CDT1: variants seen among roughly 807,000 people sequenced by gnomAD.
CDT1 encodes the protein chromatin licensing and DNA replication factor 1.
CDT1 carries 66 observed loss-of-function variants against 49.3 expected under a neutral mutation model. The ratio of observed to expected loss-of-function variants is 1.34; its 90% CI spans 1.10 to 1.64. CDT1 has a LOEUF of 1.64. CDT1 is among the 40% of genes most tolerant of loss of function. The probability of loss-of-function intolerance (pLI) is 0.00; values close to 1 mark genes in which losing one functional copy is unlikely to be tolerated. For synonymous variants in CDT1, 424 were observed against 347.4 expected, an observed-to-expected ratio of 1.22 and a Z score of -2.45; for missense variants, 958 against 807.7, an observed-to-expected ratio of 1.19 and a Z score of -2.26.
At position 88,808,141 on chromosome 16, in the gene CDT1, C is replaced by G; in HGVS notation, c.1504C>G (p.Leu502Val). The change falls in exon 10 of 10, where the codon CTC (leucine) becomes GTC (valine). Residue 502 changes from leucine to valine, a missense_variant. Physicochemically the swap from Leu to Val is conservative, Grantham distance 32. Transcript: ENST00000301019. ...PGEMEKHLLL[L>V]SELLPDWLSL... Reference sequence around the variant, plus strand: ...GGAAATGGAGAAGCACCTGCTGCTCCTCTCCGAGCTGCTGCCGGACTGGCT... The same window carrying G: ...GGAAATGGAGAAGCACCTGCTGCTCGTCTCCGAGCTGCTGCCGGACTGGCT... 6.2e-7 allele frequency: 1 copy of G among 1,612,768 alleles called. No individual in the cohort carries two copies. The highest frequency in any genetic ancestry group is 8.5e-7 in the Non-Finnish European group (1 of 1,179,946).
intron 6 of CDT1, 93 bp from the exon 7 acceptor site, chr16:88,806,393 G>GC: frequency 6.9e-7 from 1 of 1,449,140 alleles, no homozygotes; most frequent in Non-Finnish European, 9.4e-7. Flanking sequence ...GCCCGAGGCG[G>GC]CCCGGCTGGG....
At chr16:88,807,508 C>T (rs377536198) in intron 9 of CDT1, 26 bp downstream of exon 9, 91 of 1,603,728 alleles carry the variant, frequency 5.7e-5, no homozygotes, top group Admixed American at 3.0e-4. Flanking sequence ...GGTGAAGGGG[C>T]GTGCAGGGTG....
rs537106948 is a variant in CDT1, at chr16:88,808,734, C to T, written c.*456C>T. 71 of 185,118 alleles carry T rather than the reference C, an allele frequency of 3.8e-4. No individual in the cohort carries two copies. Among genetic ancestry groups the T allele is most frequent in the Non-Finnish European group, 5.5e-4 (48 of 87,124 alleles). 11.5% of individuals were successfully genotyped at this position (185,118 alleles called of 1,614,324 possible). On this transcript the variant is annotated 3_prime_UTR_variant, in exon 10 of 10. Coordinates refer to ENST00000301019, the MANE Select transcript of CDT1 (RefSeq NM_030928.4). ...AGACTGGGGTGGGTGTGGTGGCTCA[C>T]GCCTGTAACCCCAGCACTTTGGGAG...
At chr16:88,804,198 G>A in intron 1 of CDT1, 139 bp downstream of exon 1, 1 of 710,772 alleles carries the variant, frequency 1.4e-6, no homozygotes, top group Non-Finnish European at 2.1e-6. Context: ...GGAACTCTGG[G>A]ACAGGCCGGG....
At chr16:88,804,480 G>A (rs1908768178) in intron 1 of CDT1, 65 bp from the exon 2 acceptor site, 2 of 1,577,980 alleles carry the variant, frequency 1.3e-6, no homozygotes, top group East Asian at 4.5e-5. Context: ...ATCCTTCGGG[G>A]TCCTCTGCAG....
In CDT1 at chr16:88,807,538, C is replaced by G. The variant is rs1169416888; in HGVS notation, c.1477+56C>G. On this transcript the variant is annotated intron_variant, in intron 9 of 9. Coordinates refer to ENST00000301019, the MANE Select transcript of CDT1 (RefSeq NM_030928.4). ...AGGGTGGAATTGCCTGGTGCTGCAGCTGCCTCCCCAGCTTTCTGAGCAGAG... is the reference window on the plus strand; with the variant it reads ...AGGGTGGAATTGCCTGGTGCTGCAGGTGCCTCCCCAGCTTTCTGAGCAGAG... 2.0e-6 allele frequency: 3 copies of G among 1,508,172 alleles called. No individual in the cohort carries two copies. In the African/African-American group the frequency reaches 4.1e-5, roughly 21 times the overall value. 93.4% of individuals were successfully genotyped at this position (1,508,172 alleles called of 1,614,324 possible).
At chr16:88,806,396 C>T (rs1299219002) in intron 6 of CDT1, 90 bp from the exon 7 acceptor site, 9 of 1,472,954 alleles carry the variant, frequency 6.1e-6, no homozygotes, top group Admixed American at 3.8e-5. Context: ...CGAGGCGGCC[C>T]GGCTGGGACG....
chr16:88,805,892 C>T (rs747010698), intron 5 of CDT1, 23 bp downstream of exon 5: 22 of 1,611,392 alleles, frequency 1.4e-5, no homozygotes, highest in African/African-American at 4.0e-5. Context: ...TGCGGGACCT[C>T]GGTTTCCCCA....
Position 88,804,148 on chromosome 16 carries a change from G to A in CDT1, c.228+89G>A, listed in dbSNP as rs1043041379. On this transcript the variant is annotated intron_variant, in intron 1 of 9. Coordinates refer to ENST00000301019, the MANE Select transcript of CDT1 (RefSeq NM_030928.4). Reference sequence around the variant, plus strand: ...AGGGCTCGGGGAAACTGAGGCGGAGGGACGGGGGCGGGGAAACAGGCGGGG... The same window carrying A: ...AGGGCTCGGGGAAACTGAGGCGGAGAGACGGGGGCGGGGAAACAGGCGGGG... 1.7e-5 allele frequency: 15 copies of A among 864,586 alleles called. No individual in the cohort carries two copies. In the African/African-American group the frequency reaches 2.7e-4, roughly 16 times the overall value. 53.6% of individuals were successfully genotyped at this position (864,586 alleles called of 1,614,324 possible). A position where few individuals can be genotyped will look rare whatever the true frequency, so the allele number is the denominator to read the frequency against.
Position 88,808,700 on chromosome 16 carries a change from C to T in CDT1, c.*422C>T, listed in dbSNP as rs753754884. ...TCCCACAGCAAAGGGTGACTTTTGT[C>T]ATTAAGAAAGACTGGGGTGGGTGTG... On this transcript the variant is annotated 3_prime_UTR_variant, in exon 10 of 10. Transcript: ENST00000301019. The T allele has an allele frequency of 2.9e-5, 6 of 209,878 alleles. No individual in the cohort carries two copies. Among genetic ancestry groups the T allele is most frequent in the Non-Finnish European group, 4.9e-5 (5 of 102,632 alleles). The allele number at this position is 209,878 out of a possible 1,614,324, so 13.0% of individuals were successfully genotyped here.
chr16:88,806,584 G>GCCGGCCGCGCTGCC lies in CDT1; in HGVS notation c.1035_1048dup (p.Gln350ArgfsTer26). The GCCGGCCGCGCTGCC allele has an allele frequency of 1.9e-6, 3 of 1,607,996 alleles. No individual in the cohort carries two copies. The highest frequency in any genetic ancestry group is 2.5e-6 in the Non-Finnish European group (3 of 1,177,940). ...ACGTGGATGAAGTACCCGACATCGA[G>GCCGGCCGCGCTGCC]CCGGCCGCGCTGCCCCAGCCACCCG... On this transcript the variant is annotated frameshift_variant, in exon 7 of 10. Coordinates refer to ENST00000301019, the MANE Select transcript of CDT1 (RefSeq NM_030928.4). LOFTEE classifies it high-confidence loss of function.
chr16:88,804,399 C>G (rs753864895), intron 1 of CDT1, 146 bp from the exon 2 acceptor site: 6 of 1,097,350 alleles, frequency 5.5e-6, no homozygotes, highest in Middle Eastern at 4.9e-4. Context: ...GGCCTTAGCA[C>G]AGACCACCAT....
chr16:88,805,359 T>A, intron 3 of CDT1, 81 bp from the exon 4 acceptor site: 1 of 1,485,664 alleles, frequency 6.7e-7, no homozygotes. Flanking sequence ...CATCGGAGGG[T>A]CTCCCTGGCC....
chr16:88,806,709 CGGGT>C, intron 7 of CDT1, 35 bp downstream of exon 7: 1 of 1,562,314 alleles, frequency 6.4e-7, no homozygotes, highest in South Asian at 1.2e-5. Flanking sequence ...CCATTTCTCC[CGGGT>C]GGGTGGGCCA....
chr16:88,807,906 T>C (rs1049655823), intron 9 of CDT1, among the ~76,000 whole-genome samples: 2 of 152,200 alleles, frequency 1.3e-5, no homozygotes, highest in Non-Finnish European at 2.9e-5. Flanking sequence ...TCACAGGGCC[T>C]CAACTGTAGG....
rs747999090 is a variant in CDT1 at position 88,804,069 on chromosome 16, G to T, written c.228+10G>T. 3 of 1,427,550 alleles carry T rather than the reference G, an allele frequency of 2.1e-6. No homozygotes were observed. The highest frequency in any genetic ancestry group is 2.9e-5 in the East Asian group (1 of 34,360). 88.4% of individuals were successfully genotyped at this position (1,427,550 alleles called of 1,614,324 possible). A position where few individuals can be genotyped will look rare whatever the true frequency, so the allele number is the denominator to read the frequency against. ...GCTGTCGGTGGACGAGGTGAGGGGCGTGGGGAGACTGAGGCCGGGGAGTTG... is the reference window on the plus strand; with the variant it reads ...GCTGTCGGTGGACGAGGTGAGGGGCTTGGGGAGACTGAGGCCGGGGAGTTG... On this transcript the variant is annotated intron_variant, in intron 1 of 9. Coordinates refer to ENST00000301019, the MANE Select transcript of CDT1 (RefSeq NM_030928.4).
At position 88,807,089 on chromosome 16, in the gene CDT1, T is replaced by C; in HGVS notation, c.1161T>C (p.Ala387=). 1 of 1,612,804 alleles carries C rather than the reference T, an allele frequency of 6.2e-7. No homozygotes were observed. The highest frequency in any genetic ancestry group is 8.5e-7 in the Non-Finnish European group (1 of 1,179,952). Residue 387 remains alanine (A), a synonymous_variant, in exon 8 of 10, where the codon GCT becomes GCC. Coordinates refer to ENST00000301019, the MANE Select transcript of CDT1 (RefSeq NM_030928.4). ...KALSQLALRS[A]APSSPGSPRP... is the part of the protein sequence containing the mutation. ...TGAGTCAATTGGCCCTGCGCTCTGC[T>C]GCGCCCAGCAGCCCCGGGTCTCCCA...
In CDT1 at chr16:88,806,021, A is replaced by C. The variant is rs929444235; in HGVS notation, c.833A>C (p.Glu278Ala). The C allele has an allele frequency of 4.4e-6, 7 of 1,589,772 alleles. No homozygotes were observed. The African/African-American group carries it at 6.7e-5, about 15-fold the overall frequency. Residue 278 changes from glutamate (E) to alanine (A), a missense_variant and splice_region_variant, in exon 6 of 10, where the codon GAG becomes GCG. Coordinates refer to ENST00000301019, the MANE Select transcript of CDT1 (RefSeq NM_030928.4). ...QLTIEPLLEQEADGAAPQLTA... is the reference protein window; with the variant it reads ...QLTIEPLLEQAADGAAPQLTA... ...ACTTAGGCCTGGACTCGTCCCACAG[A>C]GGCTGACGGAGCAGCCCCCCAGCTC...
rs1909000623 is a variant in CDT1, at chr16:88,809,215, TTC to T, written c.*939_*940del. On this transcript the variant is annotated 3_prime_UTR_variant, in exon 10 of 10. Transcript: ENST00000301019. ...TCTGCCCACACCTTGACTTCAGTATTTCTGACCTCCTAAACTCTAATAAAGTC... is the reference window on the plus strand; with the variant it reads ...TCTGCCCACACCTTGACTTCAGTATTTGACCTCCTAAACTCTAATAAAGTC... 2.9e-6 allele frequency: 1 copy of T among 347,602 alleles called. No homozygotes were observed. The highest frequency in any genetic ancestry group is 5.7e-6 in the Non-Finnish European group (1 of 175,750). 21.5% of individuals were successfully genotyped at this position (347,602 alleles called of 1,614,324 possible).
Sources: gnomAD v4.1 joint callset for allele counts (sites outside exome capture counted in the v4.1 genomes callset) on GRCh38, gnomAD v4.1.1 for gene constraint, MANE v1.5 for transcripts, NCBI Gene and HGNC (gene_info 2026-07-23, HGNC 2026-07-21) for gene names.